The following TBC1D31 variants were observed in gnomAD, a reference collection of about 807,000 sequenced individuals.
The protein encoded by TBC1D31 is TBC1 domain family member 31, also known as WD repeat domain 67.
TBC1D31 carries 99 observed loss-of-function variants against 132.9 expected under a neutral mutation model. The ratio of observed to expected loss-of-function variants is 0.74; its 90% confidence interval spans 0.63 to 0.88. The LOEUF is 0.88. TBC1D31 is among the 40% of genes least tolerant of loss of function. The pLI, the probability that TBC1D31 is intolerant of heterozygous loss-of-function variation, is 0.00. For synonymous variants in TBC1D31, 385 were observed against 419.4 expected (o/e 0.92, Z 1.00); for missense variants, 1,134 against 1,256.6 (o/e 0.90, Z 1.48).
intron 14 of TBC1D31, among the ~76,000 whole-genome samples, chr8:123,128,813 T>C (rs1006410587): frequency 7.2e-5 from 11 of 151,742 alleles, no homozygotes; most frequent in Non-Finnish European, 1.2e-4. Flanking sequence ...GAGGAGGAGG[T>C]TGCAGTGAGC....
At chr8:123,077,279 C>T (rs746267680) in intron 2 of TBC1D31, 22 bp downstream of exon 2, 4 of 1,575,492 alleles carry the variant, frequency 2.5e-6, no homozygotes, top group Non-Finnish European at 2.6e-6. Flanking sequence ...CCATTGATAT[C>T]TACGTTCTTT....
chr8:123,091,387 A>T (rs1700122105), intron 4 of TBC1D31, among the ~76,000 whole-genome samples: 1 of 152,198 alleles, frequency 6.6e-6, no homozygotes, highest in South Asian at 2.1e-4. Context: ...TTATAATAAT[A>T]ATTTTCTTAA....
At chr8:123,094,705 A>G (rs1163176751) in intron 5 of TBC1D31, among the ~76,000 whole-genome samples, 2 of 151,210 alleles carry the variant, frequency 1.3e-5, no homozygotes, top group Non-Finnish European at 3.0e-5. Context: ...ACACCTGGCT[A>G]ATTTTTGTAT....
intron 16 of TBC1D31, among the ~76,000 whole-genome samples, chr8:123,132,604 G>A (rs1012473748): frequency 1.3e-5 from 2 of 151,754 alleles, no homozygotes; most frequent in South Asian, 2.1e-4. Context: ...AGTAGAGACA[G>A]GGTTTCACCA....
At chr8:123,089,740 A>G (rs1816147298) in intron 4 of TBC1D31, among the ~76,000 whole-genome samples, 1 of 152,226 alleles carries the variant, frequency 6.6e-6, no homozygotes, top group Non-Finnish European at 1.5e-5. Context: ...ACTGTTATTT[A>G]TTTTTTAGTT....
At chr8:123,143,163 G>A (rs1821865822) in intron 19 of TBC1D31, among the ~76,000 whole-genome samples, 1 of 152,180 alleles carries the variant, frequency 6.6e-6, no homozygotes, top group African/African-American at 2.4e-5. Context: ...AGAAGGGAGA[G>A]CACAAGTGCG....
chr8:123,138,406 G>A (rs559865853), intron 17 of TBC1D31, among the ~76,000 whole-genome samples: 6 of 152,182 alleles, frequency 3.9e-5, no homozygotes, highest in Non-Finnish European at 8.8e-5. Flanking sequence ...TAATTATGCT[G>A]TCTATAGATG....
intron 5 of TBC1D31, among the ~76,000 whole-genome samples, chr8:123,097,046 A>G (rs1456652332): frequency 3.3e-5 from 5 of 152,228 alleles, no homozygotes; most frequent in African/African-American, 4.8e-5. Context: ...AATATATACT[A>G]TAAACCTGAG....
Position 123,151,804 on chromosome 8 carries a change from A to G in TBC1D31, c.3068-2A>G, listed in dbSNP as rs748970717. The G allele has an allele frequency of 1.3e-6, 2 of 1,551,134 alleles. No individual in the cohort carries two copies. Among genetic ancestry groups the G allele is most frequent in the Non-Finnish European group, 1.7e-6 (2 of 1,161,090 alleles). ...TTCTAAATTTTAAATTTCGTTTTCAAGTTTCTTTAAATAGAAGAGCAGTAG... is the reference window on the plus strand; with the variant it reads ...TTCTAAATTTTAAATTTCGTTTTCAGGTTTCTTTAAATAGAAGAGCAGTAG... On this transcript the variant is annotated splice_acceptor_variant, in intron 21 of 21. Coordinates refer to ENST00000287380, the MANE Select transcript of TBC1D31 (RefSeq NM_145647.4). LOFTEE classifies it high-confidence loss of function.
intron 10 of TBC1D31, among the ~76,000 whole-genome samples, chr8:123,118,165 T>C (rs1395203522): frequency 6.6e-6 from 1 of 152,134 alleles, no homozygotes; most frequent in Non-Finnish European, 1.5e-5. Context: ...ACACATGTAA[T>C]GTTGAATCTG....
At chr8:123,086,793 C>T (rs577270852) in intron 4 of TBC1D31, among the ~76,000 whole-genome samples, 1 of 151,740 alleles carries the variant, frequency 6.6e-6, no homozygotes, top group South Asian at 2.1e-4. Flanking sequence ...AATGTCAGCT[C>T]GCTACAACCT....
At chr8:123,110,740 T>G (rs1348013027) in intron 10 of TBC1D31, among the ~76,000 whole-genome samples, 1 of 151,310 alleles carries the variant, frequency 6.6e-6, no homozygotes, top group African/African-American at 2.4e-5. Flanking sequence ...AAGTACACTA[T>G]CATACTGACA....
chr8:123,101,478 G>A (rs1210803279), intron 7 of TBC1D31, among the ~76,000 whole-genome samples: 7 of 152,066 alleles, frequency 4.6e-5, no homozygotes, highest in Non-Finnish European at 8.8e-5. Context: ...GCAATGGTGC[G>A]ATCTTGGCTC....
intron 18 of TBC1D31, 22 bp from the exon 19 acceptor site, chr8:123,142,240 G>T: frequency 6.5e-7 from 1 of 1,535,186 alleles, no homozygotes. Flanking sequence ...CCTTGTTTCT[G>T]AAATGTATAA....
rs148996201 is a variant in TBC1D31 at position 123,105,262 on chromosome 8, A to G, written c.1033-26A>G. 3.0e-4 allele frequency: 450 copies of G among 1,481,376 alleles called. 2 individuals are homozygous for G. In the African/African-American group the frequency reaches 4.9e-3, roughly 16 times the overall value. The allele number at this position is 1,481,376 out of a possible 1,614,324, so 91.8% of individuals were successfully genotyped here. Reference sequence around the variant, plus strand: ...GTCTTCCAAGGATATCCATTAGAATATATATATATTTATTTTTCCATTTAG... The same window carrying G: ...GTCTTCCAAGGATATCCATTAGAATGTATATATATTTATTTTTCCATTTAG... On this transcript the variant is annotated intron_variant, in intron 7 of 21. Coordinates refer to ENST00000287380, the MANE Select transcript of TBC1D31 (RefSeq NM_145647.4).
At chr8:123,156,772 C>T (rs541090504), downstream of TBC1D31, among the ~76,000 whole-genome samples, 1 of 152,316 alleles carries the variant, frequency 6.6e-6, no homozygotes, top group East Asian at 1.9e-4. Flanking sequence ...CACCGCTGGC[C>T]TCTCTCATCA....
chr8:123,152,482 TC>T, downstream of TBC1D31, among the ~76,000 whole-genome samples: 1 of 152,066 alleles, frequency 6.6e-6, no homozygotes, highest in East Asian at 1.9e-4. Flanking sequence ...TCTTCCTCCC[TC>T]CCTCCACTTC....
the TBC1D31 span, among the ~76,000 whole-genome samples, chr8:123,161,568 T>C: frequency 6.6e-6 from 1 of 152,212 alleles, no homozygotes; most frequent in Non-Finnish European, 1.5e-5. Flanking sequence ...TTGCATTCCC[T>C]AAAATAATGT....
rs1427399444 is a variant in TBC1D31 at position 123,109,507 on chromosome 8, T to A, written c.1323T>A (p.Pro441=). ...TTTGGCGCTCTCTGCTACAACTGCC[T>A]GAAAATCATACTGCGTTTAGTACCC... ...MFIWRSLLQL[P]ENHTAFSTLI... is the part of the protein sequence containing the mutation. Residue 441 remains proline, a synonymous_variant, in exon 10 of 22, where the codon CCT becomes CCA. Transcript: ENST00000287380. The A allele has an allele frequency of 6.2e-7, 1 of 1,613,794 alleles. No homozygotes were observed. The highest frequency in any genetic ancestry group is 8.5e-7 in the Non-Finnish European group (1 of 1,179,954).
Sources: allele counts gnomAD v4.1 joint callset (sites outside exome capture counted in the v4.1 genomes callset), GRCh38; gene constraint gnomAD v4.1.1; transcripts MANE v1.5; gene names NCBI Gene and HGNC (gene_info 2026-07-23, HGNC 2026-07-21).